The following PDE1A variants were observed in gnomAD, a reference collection of about 807,000 sequenced individuals.
PDE1A encodes phosphodiesterase 1A.
PDE1A carries 35 observed loss-of-function variants against 61.7 expected under a neutral mutation model. The ratio of observed to expected loss-of-function variants is 0.57; its 90% CI spans 0.43 to 0.75. PDE1A has a LOEUF of 0.75. Ranked by LOEUF, PDE1A falls within the 30% of genes least tolerant of loss-of-function variation. The probability of loss-of-function intolerance (pLI) is 0.00; values close to 1 mark genes in which losing one functional copy is unlikely to be tolerated. For synonymous variants in PDE1A, 232 were observed against 213.2 expected, an observed-to-expected ratio of 1.09 and a Z score of -0.77; for missense variants, 597 against 630.6, an observed-to-expected ratio of 0.95 and a Z score of 0.57.
the PDE1A span, among the ~76,000 whole-genome samples, chr2:182,713,400 G>A: frequency 6.6e-6 from 1 of 152,102 alleles, no homozygotes; most frequent in African/African-American, 2.4e-5. Context: ...GGAGGCTGAG[G>A]TGGGCAGATC....
In PDE1A at chr2:182,403,598, C is replaced by CAAAA. The variant is rs548993514; in HGVS notation, c.53+22976_53+22979dup. Among the ~76,000 whole-genome samples, 24 of 77,628 alleles carry CAAAA rather than the reference C, an allele frequency of 3.1e-4. 1 individual carries two copies. Among genetic ancestry groups the CAAAA allele is most frequent in the African/African-American group, 1.4e-3 (22 of 16,232 alleles). The allele number at this position is 77,628 out of a possible 152,430, so 50.9% of individuals were successfully genotyped here. Reference sequence around the variant, plus strand: ...TGGGCGACAGAGCCAGACTCCGTCTCAAAAAAAAAAAAAAAAGAAAATGTG... The same window carrying CAAAA: ...TGGGCGACAGAGCCAGACTCCGTCTCAAAAAAAAAAAAAAAAAAAAGAAAATGTG... On this transcript the variant is annotated intron_variant, in intron 1 of 13. Transcript: ENST00000351439.
At chr2:182,140,877 T>C (rs1198597217) in exon 15 of PDE1A, 2 of 64,188 alleles carry the variant, frequency 3.1e-5, no homozygotes, top group African/African-American at 1.7e-4. Flanking sequence ...GGAGGGAGTA[T>C]AGCAGATAGA....
At chr2:182,477,808 A>G (rs1017904750) in intron 2 of PDE1A, among the ~76,000 whole-genome samples, 9 of 151,988 alleles carry the variant, frequency 5.9e-5, no homozygotes, top group African/African-American at 2.2e-4. Flanking sequence ...TTGAAAGCCC[A>G]GAGCCCTTTC....
chr2:182,566,903 T>G, the PDE1A span, among the ~76,000 whole-genome samples: 2 of 152,208 alleles, frequency 1.3e-5, no homozygotes, highest in East Asian at 3.8e-4. Context: ...TGTGAATACC[T>G]AGATTTAGTT....
chr2:182,704,949 G>A, the PDE1A span, among the ~76,000 whole-genome samples: 4 of 152,324 alleles, frequency 2.6e-5, no homozygotes, highest in South Asian at 2.1e-4. Flanking sequence ...ATATATACAC[G>A]TTTGTCCTAG....
chr2:182,427,339 G>GC (rs1364448831), upstream of PDE1A, among the ~76,000 whole-genome samples: 2 of 152,122 alleles, frequency 1.3e-5, no homozygotes, highest in Non-Finnish European at 2.9e-5. Context: ...AGTTGAAGAT[G>GC]CCATATCAAC....
At chr2:182,503,587 G>A (rs913786891) in intron 2 of PDE1A, among the ~76,000 whole-genome samples, 2 of 151,992 alleles carry the variant, frequency 1.3e-5, no homozygotes, top group African/African-American at 2.4e-5. Context: ...GTGTGCCCTT[G>A]CTTCCCTCCG....
At chr2:182,516,124 T>C (rs1390534988) in intron 2 of PDE1A, among the ~76,000 whole-genome samples, 3 of 152,112 alleles carry the variant, frequency 2.0e-5, no homozygotes, top group Non-Finnish European at 4.4e-5. Context: ...AAATGAATTA[T>C]CTTCAGTTCT....
At chr2:182,212,280 C>A (rs1687683737) in intron 7 of PDE1A, among the ~76,000 whole-genome samples, 1 of 151,478 alleles carries the variant, frequency 6.6e-6, no homozygotes, top group South Asian at 2.1e-4. Flanking sequence ...TATATATACA[C>A]ACACACACAT....
the PDE1A span, among the ~76,000 whole-genome samples, chr2:182,707,284 A>C: frequency 1.3e-5 from 2 of 152,192 alleles, no homozygotes; most frequent in Non-Finnish European, 2.9e-5. Context: ...CATAAGCAGG[A>C]AAAAGGAAAT....
chr2:182,426,438 C>T, intron 1 of PDE1A, 140 bp downstream of exon 1: 1 of 601,722 alleles, frequency 1.7e-6, no homozygotes, highest in South Asian at 2.5e-5. Flanking sequence ...AAAAGGCTCC[C>T]TCAGTATGCC....
the PDE1A span, among the ~76,000 whole-genome samples, chr2:182,596,968 A>G: frequency 6.6e-6 from 1 of 152,080 alleles, no homozygotes. Flanking sequence ...AGCCTGGGCA[A>G]CATGGCAAAC....
chr2:182,194,365 G>A (rs1307745421), intron 10 of PDE1A, among the ~76,000 whole-genome samples: 1 of 152,042 alleles, frequency 6.6e-6, no homozygotes, highest in Non-Finnish European at 1.5e-5. Flanking sequence ...TTTTACCAAT[G>A]ATTACTTTTT....
chr2:182,434,683 G>A (rs1040414629), intron 2 of PDE1A, among the ~76,000 whole-genome samples: 2 of 151,744 alleles, frequency 1.3e-5, no homozygotes, highest in African/African-American at 4.8e-5. Context: ...CCACAGCAAA[G>A]AGAATTGTAA....
chr2:182,339,234 T>C (rs2125023306), intron 1 of PDE1A, among the ~76,000 whole-genome samples: 1 of 152,298 alleles, frequency 6.6e-6, no homozygotes, highest in South Asian at 2.1e-4. Flanking sequence ...TTGTGAAGAC[T>C]TTCAATGAAA....
At chr2:182,428,408 TATAA>T (rs765079128), upstream of PDE1A, among the ~76,000 whole-genome samples, 13 of 152,250 alleles carry the variant, frequency 8.5e-5, no homozygotes, top group Non-Finnish European at 1.3e-4. Flanking sequence ...TATGTACTGT[TATAA>T]ATAAATAAGG....
At chr2:182,360,488 C>T (rs543123098) in intron 1 of PDE1A, among the ~76,000 whole-genome samples, 1 of 149,876 alleles carries the variant, frequency 6.7e-6, no homozygotes, top group South Asian at 2.1e-4. Flanking sequence ...AGAAGGATCC[C>T]TTATTCATGT....
intron 2 of PDE1A, among the ~76,000 whole-genome samples, chr2:182,471,859 CA>C (rs2125809377): frequency 6.6e-6 from 1 of 151,738 alleles, no homozygotes; most frequent in African/African-American, 2.4e-5. Flanking sequence ...AACAACTCAA[CA>C]ACAAAAAATT....
At chr2:182,349,436 C>T (rs939363040) in intron 1 of PDE1A, among the ~76,000 whole-genome samples, 4 of 152,112 alleles carry the variant, frequency 2.6e-5, no homozygotes, top group African/African-American at 9.7e-5. Context: ...CAGTAACAAG[C>T]ATTTATGTTT....
Sources: allele counts gnomAD v4.1 joint callset (sites outside exome capture counted in the v4.1 genomes callset), GRCh38; gene constraint gnomAD v4.1.1; transcripts MANE v1.5; gene names NCBI Gene and HGNC (gene_info 2026-07-23, HGNC 2026-07-21).